ROBO1: variants seen among roughly 807,000 people sequenced by gnomAD.
ROBO1 encodes the protein roundabout homolog 1.
ROBO1 carries 149 observed loss-of-function variants against 195.9 expected under a neutral mutation model. The observed-to-expected ratio is 0.76, with a 90% CI of 0.67 to 0.87. ROBO1 has a LOEUF of 0.87. ROBO1 is among the 40% of genes least tolerant of loss of function. The pLI is 0.00. For synonymous variants in ROBO1, 816 were observed against 733.2 expected (o/e 1.11, Z -1.82); for missense variants, 1,933 against 2,068.3 (o/e 0.93, Z 1.27).
intron 1 of ROBO1, among the ~76,000 whole-genome samples, chr3:79,709,776 C>A (rs549950106): frequency 6.6e-6 from 1 of 152,240 alleles, no homozygotes; most frequent in South Asian, 2.1e-4. Context: ...GTGGTAATTA[C>A]ATCATCACTT....
chr3:78,799,488 C>G (rs932291000), intron 4 of ROBO1, among the ~76,000 whole-genome samples: 13 of 152,096 alleles, frequency 8.5e-5, no homozygotes, highest in Middle Eastern at 3.4e-3. Context: ...ACTACAGGCG[C>G]CCACCACCAT....
At chr3:79,300,721 G>C (rs2032895570) in intron 2 of ROBO1, among the ~76,000 whole-genome samples, 1 of 152,214 alleles carries the variant, frequency 6.6e-6, no homozygotes, top group South Asian at 2.1e-4. Flanking sequence ...GTCTAGCTCA[G>C]GGATTGTAAA....
rs183064155 is a variant in ROBO1, at chr3:78,932,678, T to A, written c.499+5923A>T. Among the ~76,000 whole-genome samples, 33 of 152,176 alleles carry A rather than the reference T, an allele frequency of 2.2e-4. 2 individuals carry two copies. In the East Asian group the frequency reaches 6.2e-3, roughly 29 times the overall value. On this transcript the variant is annotated intron_variant, in intron 4 of 30. Transcript: ENST00000464233. ...TTATTGAACAGTAAATAGCTTTCCA[T>A]AGAAAATAAGAAAATACATATGAAA...
At chr3:78,960,931 G>T (rs1399646297) in intron 3 of ROBO1, among the ~76,000 whole-genome samples, 1 of 151,904 alleles carries the variant, frequency 6.6e-6, no homozygotes. Context: ...ACTGTAAGCA[G>T]ATCTGTTCTA....
intron 1 of ROBO1, among the ~76,000 whole-genome samples, chr3:79,622,598 C>G (rs1312190354): frequency 1.3e-5 from 2 of 152,206 alleles, no homozygotes; most frequent in African/African-American, 4.8e-5. Flanking sequence ...GAGGCCTGAC[C>G]CTGACCCATC....
intron 2 of ROBO1, among the ~76,000 whole-genome samples, chr3:79,510,856 C>T (rs978246615): frequency 1.3e-5 from 2 of 152,110 alleles, no homozygotes; most frequent in African/African-American, 4.8e-5. Context: ...TAGAAAATAA[C>T]ATCATGTATT....
intron 2 of ROBO1, among the ~76,000 whole-genome samples, chr3:79,274,531 T>A (rs1357077985): frequency 2.0e-5 from 3 of 151,712 alleles, no homozygotes; most frequent in African/African-American, 7.3e-5. Context: ...TAGCTATAGG[T>A]GCCTACATCA....
chr3:79,066,244 G>A (rs577797936), intron 3 of ROBO1, among the ~76,000 whole-genome samples: 71 of 151,926 alleles, frequency 4.7e-4, no homozygotes, highest in African/African-American at 1.7e-3. Flanking sequence ...TATTGAAAAA[G>A]CCAAAATCGA....
At chr3:79,566,491 C>T (rs57197020) in intron 2 of ROBO1, among the ~76,000 whole-genome samples, 1 of 151,912 alleles carries the variant, frequency 6.6e-6, no homozygotes, top group Non-Finnish European at 1.5e-5. Flanking sequence ...AGAAGAGGGA[C>T]AGTGATATCA....
intron 2 of ROBO1, among the ~76,000 whole-genome samples, chr3:79,283,735 T>G (rs1199612261): frequency 6.6e-6 from 1 of 151,008 alleles, no homozygotes; most frequent in Non-Finnish European, 1.5e-5. Flanking sequence ...TCTCGCTCTG[T>G]CGCCCAGGCT....
intron 4 of ROBO1, among the ~76,000 whole-genome samples, chr3:78,923,578 G>A (rs566056408): frequency 1.3e-5 from 2 of 152,174 alleles, no homozygotes; most frequent in South Asian, 2.1e-4. Flanking sequence ...TTGAAATGCC[G>A]CTAAGGGAAG....
chr3:79,115,956 C>A (rs2079985714), intron 3 of ROBO1, among the ~76,000 whole-genome samples: 1 of 152,112 alleles, frequency 6.6e-6, no homozygotes. Flanking sequence ...AGTATAATGA[C>A]CAGCCAAAAT....
chr3:78,830,567 C>T (rs930748587), intron 4 of ROBO1, among the ~76,000 whole-genome samples: 4 of 152,118 alleles, frequency 2.6e-5, no homozygotes, highest in Admixed American at 6.5e-5. Flanking sequence ...AGAATGAAAA[C>T]CCAGTGAAGG....
chr3:79,486,268 A>G (rs945031246), intron 2 of ROBO1, among the ~76,000 whole-genome samples: 7 of 151,920 alleles, frequency 4.6e-5, no homozygotes, highest in African/African-American at 1.7e-4. Flanking sequence ...CCTCTTATAT[A>G]AAAACAATTT....
chr3:79,520,157 C>CAAAA (rs111705222), intron 2 of ROBO1, among the ~76,000 whole-genome samples: 2 of 96,468 alleles, frequency 2.1e-5, no homozygotes, highest in Admixed American at 2.4e-4. Context: ...AAGATTCTAT[C>CAAAA]AAAAAAAAAA....
chr3:79,181,590 A>G (rs2081340403), intron 2 of ROBO1, among the ~76,000 whole-genome samples: 1 of 152,216 alleles, frequency 6.6e-6, no homozygotes, highest in South Asian at 2.1e-4. Flanking sequence ...GACAGAGTTG[A>G]CAATCCTATT....
intron 1 of ROBO1, among the ~76,000 whole-genome samples, chr3:79,624,471 C>T (rs1294945660): frequency 6.6e-6 from 1 of 151,906 alleles, no homozygotes; most frequent in Non-Finnish European, 1.5e-5. Context: ...CATGAAAAGA[C>T]ACACATAGGC....
At chr3:79,596,694 A>G (rs1944181410) in intron 1 of ROBO1, among the ~76,000 whole-genome samples, 2 of 152,066 alleles carry the variant, frequency 1.3e-5, no homozygotes, top group Admixed American at 1.3e-4. Flanking sequence ...GAAAATATAC[A>G]GTTAGCAAAT....
At chr3:79,551,980 TAAAAAAAAAAAAAAAAA>T (rs771824432) in intron 2 of ROBO1, among the ~76,000 whole-genome samples, 5 of 44,222 alleles carry the variant, frequency 1.1e-4, no homozygotes, top group South Asian at 2.7e-3. Context: ...TCTACAGAGT[TAAAAAAAAAAAAAAAAA>T]AAAAAAAAAA....
Sources: allele counts gnomAD v4.1 joint callset (sites outside exome capture counted in the v4.1 genomes callset), GRCh38; gene constraint gnomAD v4.1.1; transcripts MANE v1.5; gene names NCBI Gene and HGNC (gene_info 2026-07-23, HGNC 2026-07-21).